The following UMAD1 variants were observed in gnomAD, a reference collection of about 807,000 sequenced individuals.
UMAD1 encodes the protein UBAP1-MVB12-associated (UMA)-domain containing protein 1.
Under a neutral mutation model 6.1 loss-of-function variants are expected in UMAD1, and 8 were observed. The ratio of observed to expected loss-of-function variants is 1.30; its 90% CI spans 0.76 to 2.35. The LOEUF is 2.35. Ranked by LOEUF, UMAD1 falls within the 30% of genes most tolerant of loss-of-function variation. The pLI, the probability that UMAD1 is intolerant of heterozygous loss-of-function variation, is 0.00. For missense variants in UMAD1, 130 were observed against 78.4 expected, an observed-to-expected ratio of 1.66 and a Z score of -2.49; for synonymous variants, 56 against 31.4, an observed-to-expected ratio of 1.78 and a Z score of -2.61.
intron 2 of UMAD1, among the ~76,000 whole-genome samples, chr7:7,737,252 C>T (rs188854091): frequency 4.5e-4 from 69 of 152,350 alleles, no homozygotes; most frequent in Non-Finnish European, 5.4e-4. Context: ...TAATTAACCT[C>T]TCTGGGCTTC....
intron 1 of UMAD1, among the ~76,000 whole-genome samples, chr7:7,656,175 T>A (rs1472774886): frequency 6.6e-6 from 1 of 152,118 alleles, no homozygotes; most frequent in Non-Finnish European, 1.5e-5. Context: ...GCCACTACTT[T>A]TATTCTTCTG....
chr7:7,734,054 T>TC (rs898875701), intron 2 of UMAD1, among the ~76,000 whole-genome samples: 11 of 151,952 alleles, frequency 7.2e-5, no homozygotes, highest in East Asian at 1.9e-4. Context: ...AAGGTTATTC[T>TC]CCCCCCCGCA....
At chr7:7,705,504 C>G (rs969509271) in intron 2 of UMAD1, among the ~76,000 whole-genome samples, 3 of 152,152 alleles carry the variant, frequency 2.0e-5, no homozygotes, top group African/African-American at 7.2e-5. Flanking sequence ...TGTGTTATTA[C>G]AAAATGCTTA....
chr7:7,852,503 C>G (rs543475922), intron 3 of UMAD1, among the ~76,000 whole-genome samples: 1 of 152,296 alleles, frequency 6.6e-6, no homozygotes, highest in Admixed American at 6.5e-5. Context: ...AGTTGGGGTT[C>G]CCACAACCCT....
At chr7:7,755,990 A>G (rs193242175) in intron 2 of UMAD1, among the ~76,000 whole-genome samples, 10 of 152,388 alleles carry the variant, frequency 6.6e-5, no homozygotes, top group Admixed American at 3.3e-4. Context: ...TGAGTAAACA[A>G]GTAAACCACA....
At chr7:7,851,195 C>T (rs753811836) in intron 3 of UMAD1, among the ~76,000 whole-genome samples, 12 of 152,020 alleles carry the variant, frequency 7.9e-5, no homozygotes, top group Non-Finnish European at 1.5e-4. Context: ...GTTAGTGTAA[C>T]GTTTTCAAGG....
At chr7:7,872,006 C>T (rs866709926) in intron 3 of UMAD1, among the ~76,000 whole-genome samples, 4 of 151,912 alleles carry the variant, frequency 2.6e-5, no homozygotes, top group African/African-American at 7.2e-5. Flanking sequence ...ATCTCCCCTC[C>T]GCAGTTCCAT....
chr7:7,753,641 A>G (rs1261717963), intron 2 of UMAD1, among the ~76,000 whole-genome samples: 2 of 147,106 alleles, frequency 1.4e-5, no homozygotes, highest in Non-Finnish European at 3.0e-5. Flanking sequence ...TCCATTGTGT[A>G]TAAATACCAC....
chr7:7,847,959 A>C (rs1215157194), intron 3 of UMAD1, among the ~76,000 whole-genome samples: 1 of 152,200 alleles, frequency 6.6e-6, no homozygotes, highest in East Asian at 1.9e-4. Flanking sequence ...AGATATTTTT[A>C]GTTGACAGTC....
intron 2 of UMAD1, among the ~76,000 whole-genome samples, chr7:7,759,425 A>G (rs1313721451): frequency 2.0e-5 from 3 of 152,378 alleles, no homozygotes; most frequent in African/African-American, 7.2e-5. Flanking sequence ...CCTCTACTTG[A>G]TTCCATAAGA....
intron 3 of UMAD1, among the ~76,000 whole-genome samples, chr7:7,837,673 A>G (rs1783596850): frequency 6.6e-6 from 1 of 151,628 alleles, no homozygotes; most frequent in African/African-American, 2.4e-5. Flanking sequence ...AAAGAAGAGA[A>G]AAAGAAAGGG....
At chr7:7,818,291 T>C (rs1563231317) in intron 3 of UMAD1, among the ~76,000 whole-genome samples, 2 of 152,184 alleles carry the variant, frequency 1.3e-5, no homozygotes, top group Non-Finnish European at 1.5e-5. Context: ...GCTCCATCCA[T>C]GTCCCTGCAA....
intron 1 of UMAD1, among the ~76,000 whole-genome samples, chr7:7,663,280 TTTTC>T (rs1025886588): frequency 5.1e-4 from 53 of 103,152 alleles, no homozygotes; most frequent in African/African-American, 4.5e-4. Flanking sequence ...TAAGATAGTT[TTTTC>T]TTTCTTTGTT....
intron 3 of UMAD1, among the ~76,000 whole-genome samples, chr7:7,807,450 GC>G: frequency 6.6e-6 from 1 of 152,022 alleles, no homozygotes; most frequent in Non-Finnish European, 1.5e-5. Flanking sequence ...ATGTAGCGTG[GC>G]CTATGCTACA....
In UMAD1 at chr7:7,695,180, G is replaced by A. The variant is rs145005733; in HGVS notation, c.82+21727G>A. Among the ~76,000 whole-genome samples, 349 of 152,194 alleles carry A rather than the reference G, an allele frequency of 2.3e-3. 4 individuals carry two copies. Among genetic ancestry groups the A allele is most frequent in the African/African-American group, 7.8e-3 (325 of 41,514 alleles). ...TCATATACCTGTTTGCCATTTGTAC[G>A]TCTTCTTTTGAGAAGCTCGCTGTTT... On this transcript the variant is annotated intron_variant, in intron 2 of 3. Transcript: ENST00000682710.
intron 1 of UMAD1, among the ~76,000 whole-genome samples, chr7:7,651,212 C>G (rs1038359609): frequency 6.6e-6 from 1 of 152,008 alleles, no homozygotes; most frequent in Non-Finnish European, 1.5e-5. Context: ...TACATAGAAA[C>G]CAGAAAGGAC....
intron 3 of UMAD1, among the ~76,000 whole-genome samples, chr7:7,875,078 A>G (rs1476753971): frequency 2.6e-5 from 4 of 152,262 alleles, no homozygotes; most frequent in African/African-American, 9.6e-5. Context: ...CCGGCCCAGA[A>G]AATTATTCTT....
At chr7:7,771,134 T>TC (rs796476889) in intron 2 of UMAD1, among the ~76,000 whole-genome samples, 101 of 151,596 alleles carry the variant, frequency 6.7e-4, no homozygotes, top group African/African-American at 2.4e-3. Context: ...GTTTTTTTTT[T>TC]TTTCTTGGAA....
intron 3 of UMAD1, among the ~76,000 whole-genome samples, chr7:7,833,337 T>A (rs565836200): frequency 4.1e-4 from 63 of 152,190 alleles, no homozygotes; most frequent in Non-Finnish European, 6.9e-4. Flanking sequence ...AAAAGAGAGT[T>A]ACTACACACA....
Sources: gnomAD v4.1 joint callset for allele counts (sites outside exome capture counted in the v4.1 genomes callset) on GRCh38, gnomAD v4.1.1 for gene constraint, MANE v1.5 for transcripts, NCBI Gene and HGNC (gene_info 2026-07-23, HGNC 2026-07-21) for gene names.